PIWIL3: variants seen among roughly 807,000 people sequenced by gnomAD.
The protein encoded by PIWIL3 is piwi-like protein 3.
A neutral mutation model predicts 109.7 loss-of-function variants in PIWIL3; 101 were observed. The observed-to-expected ratio is 0.92, with a 90% confidence interval of 0.78 to 1.09. The LOEUF is 1.09. PIWIL3 is among the 50% of genes least tolerant of loss of function. The probability of loss-of-function intolerance (pLI) is 0.00; values close to 1 mark genes in which losing one functional copy is unlikely to be tolerated. For synonymous variants in PIWIL3, 373 were observed against 376.4 expected, an observed-to-expected ratio of 0.99 and a Z score of 0.10; for missense variants, 1,031 against 1,072.6, an observed-to-expected ratio of 0.96 and a Z score of 0.54.
chr22:24,757,069 A>G (rs1925078714), intron 4 of PIWIL3, among the ~76,000 whole-genome samples: 1 of 140,188 alleles, frequency 7.1e-6, no homozygotes, highest in African/African-American at 2.7e-5. Flanking sequence ...ACAAGAGCTA[A>G]ACTCCGTCTC....
chr22:24,757,342 T>G (rs1410786705), intron 4 of PIWIL3, among the ~76,000 whole-genome samples: 4 of 152,160 alleles, frequency 2.6e-5, no homozygotes, highest in Non-Finnish European at 5.9e-5. Context: ...CAGGGCACAG[T>G]GGCTCACACC....
rs555331621 is a variant in PIWIL3, at chr22:24,758,930, G to A, written c.224-891C>T. 3.1e-4 allele frequency among the ~76,000 whole-genome samples: 47 copies of A among 151,636 alleles called. No homozygotes were observed. In the South Asian group the frequency reaches 9.6e-3, roughly 31 times the overall value. On this transcript the variant is annotated intron_variant, in intron 3 of 20. Transcript: ENST00000616349. ...TTATCTTTTCAGACGGAGTCTAACT[G>A]TCACCCAGGCTGCAGTGCAGTGGCA...
intron 3 of PIWIL3, among the ~76,000 whole-genome samples, chr22:24,758,602 C>T (rs1925232249): frequency 1.3e-5 from 2 of 152,262 alleles, no homozygotes; most frequent in South Asian, 2.1e-4. Flanking sequence ...AATACGCACA[C>T]GTTATTGTAA....
Position 24,751,582 on chromosome 22 carries a change from G to A in PIWIL3, c.978-84C>T, listed in dbSNP as rs190213331. The A allele has an allele frequency of 1.4e-5, 22 of 1,541,240 alleles. 1 individual carries two copies. The South Asian group carries it at 2.6e-4, about 18-fold the overall frequency. ...ACAGAAAATAGACATTTTTAATCCT[G>A]CAAGGAATTGCAGAATATATTAGAT... On this transcript the variant is annotated intron_variant, in intron 8 of 20. Transcript: ENST00000616349.
intron 11 of PIWIL3, 54 bp from the exon 12 acceptor site, chr22:24,749,075 G>C: frequency 7.2e-7 from 1 of 1,397,788 alleles, no homozygotes; most frequent in Non-Finnish European, 1.0e-6. Context: ...AAAGCAGCTA[G>C]CCATTTGTGC....
chr22:24,742,417 T>C lies in PIWIL3; in HGVS notation c.1449+6490A>G, dbSNP rs1012891694. The stretch of plus-strand genomic sequence containing the variant: ...AAATCAAAAAAATCCTAGATTCATA[T>C]GGAACCAAAAAAGAGCCTGCACAGC... On this transcript the variant is annotated intron_variant, in intron 12 of 20. Transcript: ENST00000616349. 3.3e-5 allele frequency among the ~76,000 whole-genome samples: 5 copies of C among 152,030 alleles called. 1 individual carries two copies. Among genetic ancestry groups the C allele is most frequent in the South Asian group, 4.1e-4 (2 of 4,824 alleles).
At chr22:24,773,887 G>A (rs1028752408) in intron 1 of PIWIL3, among the ~76,000 whole-genome samples, 2 of 151,702 alleles carry the variant, frequency 1.3e-5, no homozygotes, top group African/African-American at 4.8e-5. Flanking sequence ...GTTAATTTTG[G>A]TATTTTTCGT....
chr22:24,744,178 T>TAAAAAAAAAAAAAA (rs1188611412), intron 12 of PIWIL3, among the ~76,000 whole-genome samples: 4 of 34,312 alleles, frequency 1.2e-4, no homozygotes, highest in African/African-American at 1.9e-4. Flanking sequence ...GTGACCGAAT[T>TAAAAAAAAAAAAAA]AAAAAAAAAA....
At position 24,744,178 on chromosome 22, in the gene PIWIL3, T is replaced by TTAAAAAAAAAAAAAAAAAAAA. The variant is rs1924180538; in HGVS notation, c.1449+4728_1449+4729insTTTTTTTTTTTTTTTTTTTTA. 3.4e-3 allele frequency among the ~76,000 whole-genome samples: 118 copies of TTAAAAAAAAAAAAAAAAAAAA among 34,318 alleles called. 44 individuals carry two copies. Among genetic ancestry groups the TTAAAAAAAAAAAAAAAAAAAA allele is most frequent in the Non-Finnish European group, 4.7e-3 (82 of 17,632 alleles). The allele number at this position is 34,318 out of a possible 152,430, so 22.5% of individuals were successfully genotyped here. On this transcript the variant is annotated intron_variant, in intron 12 of 20. Coordinates refer to ENST00000616349, the MANE Select transcript of PIWIL3 (RefSeq NM_001255975.1). ...ACTCTAATTGAAAGAGTGACCGAAT[T>TTAAAAAAAAAAAAAAAAAAAA]AAAAAAAAAAAAAAAAAAAAAAAAA...
chr22:24,752,796 C>T (rs901255422), intron 8 of PIWIL3, among the ~76,000 whole-genome samples: 5 of 152,106 alleles, frequency 3.3e-5, no homozygotes, highest in East Asian at 1.9e-4. Context: ...AAGCAGCATA[C>T]GAGAGAGTTG....
intron 8 of PIWIL3, 132 bp downstream of exon 8, chr22:24,753,881 CG>C: frequency 1.4e-6 from 1 of 699,926 alleles, no homozygotes; most frequent in Non-Finnish European, 2.4e-6. Flanking sequence ...AGAGGAGAGA[CG>C]TGTTCAGTTG....
chr22:24,725,305 G>T, intron 17 of PIWIL3, 140 bp downstream of exon 17: 2 of 1,054,518 alleles, frequency 1.9e-6, no homozygotes, highest in Non-Finnish European at 2.7e-6. Context: ...TAGACTCAAT[G>T]CCAGTAGCAC....
chr22:24,754,586 C>T (rs1043040850), intron 7 of PIWIL3, among the ~76,000 whole-genome samples, 198 bp downstream of exon 7: 2 of 152,128 alleles, frequency 1.3e-5, no homozygotes, highest in African/African-American at 4.8e-5. Flanking sequence ...ATATCTCAAA[C>T]GTTTATATTT....
At chr22:24,748,628 T>C (rs1445062486) in intron 12 of PIWIL3, among the ~76,000 whole-genome samples, 1 of 152,096 alleles carries the variant, frequency 6.6e-6, no homozygotes, top group Non-Finnish European at 1.5e-5. Context: ...ACTTTGATTC[T>C]AGGTACTTGA....
chr22:24,725,656 GTATTGGTCTC>G, intron 16 of PIWIL3, 141 bp from the exon 17 acceptor site: 1 of 817,838 alleles, frequency 1.2e-6, no homozygotes, highest in African/African-American at 1.7e-5. Context: ...GGAGATCAAA[GTATTGGTCTC>G]TTTTGATATC....
chr22:24,764,170 C>T (rs1403854057), intron 1 of PIWIL3, among the ~76,000 whole-genome samples: 1 of 152,246 alleles, frequency 6.6e-6, no homozygotes, highest in African/African-American at 2.4e-5. Context: ...GGGGTCCCGG[C>T]CTCTTCTGGC....
intron 12 of PIWIL3, among the ~76,000 whole-genome samples, chr22:24,745,722 A>T (rs1254610276): frequency 2.0e-5 from 3 of 150,134 alleles, no homozygotes; most frequent in Non-Finnish European, 4.5e-5. Flanking sequence ...ACTAAGAAAA[A>T]AAAAAAAAAA....
intron 1 of PIWIL3, among the ~76,000 whole-genome samples, chr22:24,763,130 C>T (rs1047704591): frequency 6.7e-6 from 1 of 148,898 alleles, no homozygotes; most frequent in African/African-American, 2.5e-5. Flanking sequence ...GACAGGAGAC[C>T]TGGTAAAACT....
In PIWIL3 at chr22:24,756,690, A is replaced by G; in HGVS notation, c.371T>C (p.Val124Ala). 6.2e-7 allele frequency: 1 copy of G among 1,613,564 alleles called. No individual in the cohort carries two copies. Among genetic ancestry groups the G allele is most frequent in the Non-Finnish European group, 8.5e-7 (1 of 1,179,678 alleles). ...GAAGTGGTTGGCGAGTAGCTGTACC[A>G]CTGTACCCTCTGAACCTGAAAAATG... is the stretch of plus-strand genomic sequence containing the variant. ...KDSKTGSEGT[V>A]VQLLANHFRV... The change falls in exon 5 of 21, where the codon GTG (valine) becomes GCG (alanine). Residue 124 changes from valine to alanine, a missense_variant. Val to Ala is a moderately conservative substitution (Grantham distance 64). Transcript: ENST00000616349.
Sources: gnomAD v4.1 joint callset for allele counts (sites outside exome capture counted in the v4.1 genomes callset) on GRCh38, gnomAD v4.1.1 for gene constraint, MANE v1.5 for transcripts, NCBI Gene and HGNC (gene_info 2026-07-23, HGNC 2026-07-21) for gene names.